The following KLHDC10 variants were observed in gnomAD, a reference collection of about 807,000 sequenced individuals.
The protein encoded by KLHDC10 is kelch domain-containing protein 10.
In KLHDC10, 24 loss-of-function variants were observed where a neutral mutation model predicts 56.1. That is an observed-to-expected ratio of 0.43 (90% CI 0.31 to 0.60). The LOEUF is 0.60. Ranked by LOEUF, KLHDC10 falls within the 20% of genes least tolerant of loss-of-function variation. KLHDC10 has a pLI of 0.11. For synonymous variants in KLHDC10, 188 were observed against 207.1 expected (o/e 0.91, Z 0.79); for missense variants, 349 against 567.0 (o/e 0.62, Z 3.91).
intron 1 of KLHDC10, among the ~76,000 whole-genome samples, chr7:130,092,644 G>A (rs1795791220): frequency 1.3e-5 from 2 of 152,172 alleles, no homozygotes; most frequent in Non-Finnish European, 2.9e-5. Flanking sequence ...TGTTCTAGCT[G>A]GAGAGTGACA....
intron 1 of KLHDC10, among the ~76,000 whole-genome samples, chr7:130,086,619 T>C (rs940960520): frequency 2.0e-5 from 3 of 152,054 alleles, no homozygotes; most frequent in Non-Finnish European, 2.9e-5. Context: ...TGCATCTGTC[T>C]TTTTTTTAAC....
chr7:130,086,857 C>T (rs886891061), intron 1 of KLHDC10, among the ~76,000 whole-genome samples: 2 of 152,170 alleles, frequency 1.3e-5, no homozygotes, highest in Non-Finnish European at 2.9e-5. Flanking sequence ...TAAAGTTTTC[C>T]TCAAGTTGTA....
chr7:130,098,126 A>G (rs573074501), intron 2 of KLHDC10, among the ~76,000 whole-genome samples: 18 of 152,240 alleles, frequency 1.2e-4, no homozygotes, highest in Non-Finnish European at 1.8e-4. Context: ...CATGCATAAA[A>G]TCAACCATAA....
At chr7:130,075,141 T>C (rs1795479858) in intron 1 of KLHDC10, among the ~76,000 whole-genome samples, 1 of 152,192 alleles carries the variant, frequency 6.6e-6, no homozygotes, top group Non-Finnish European at 1.5e-5. Flanking sequence ...ATTGTGCTTT[T>C]TGTAGAATAA....
intron 1 of KLHDC10, among the ~76,000 whole-genome samples, chr7:130,075,454 C>G (rs1239561692): frequency 1.3e-5 from 2 of 152,042 alleles, no homozygotes; most frequent in African/African-American, 4.8e-5. Flanking sequence ...TCCTTTGACC[C>G]CAGCTAATTG....
intron 2 of KLHDC10, among the ~76,000 whole-genome samples, chr7:130,098,813 A>G (rs1375134041): frequency 2.6e-5 from 4 of 152,330 alleles, no homozygotes; most frequent in Non-Finnish European, 4.4e-5. Flanking sequence ...TTGTATCTGT[A>G]TGATGGGGAT....
In KLHDC10 at chr7:130,132,574, G is replaced by A. The variant is rs1284982659; in HGVS notation, c.*1828G>A. On this transcript the variant is annotated 3_prime_UTR_variant, in exon 10 of 10. Transcript: ENST00000335420. ...CCTTTCTGGGGAGTGAGGAATGTGG[G>A]AGAGAGGCAGAAAAAGGAGCAGCTC... 6.6e-6 allele frequency: 1 copy of A among 152,196 alleles called. No individual in the cohort carries two copies. The highest frequency in any genetic ancestry group is 1.5e-5 in the Non-Finnish European group (1 of 68,080). 9.4% of individuals were successfully genotyped at this position (152,196 alleles called of 1,614,324 possible).
rs527885367 is a variant in KLHDC10, at chr7:130,100,280, TC to T, written c.253+3275del. 1.1e-3 allele frequency among the ~76,000 whole-genome samples: 160 copies of T among 152,282 alleles called. 1 individual carries two copies. Among genetic ancestry groups the T allele is most frequent in the South Asian group, 4.8e-3 (23 of 4,832 alleles). On this transcript the variant is annotated intron_variant, in intron 2 of 9. Transcript: ENST00000335420. ...GTCCAAGAGTATTTCCAGGGAAACT[TC>T]CTTGGCAGGCCTCTCCCCTCTTTGT... is the stretch of plus-strand genomic sequence containing the variant.
chr7:130,093,808 T>C (rs1305096867), intron 1 of KLHDC10, among the ~76,000 whole-genome samples: 1 of 152,194 alleles, frequency 6.6e-6, no homozygotes. Context: ...AACAGGAGTC[T>C]GTGCATACAG....
At chr7:130,126,002 A>G in intron 7 of KLHDC10, 71 bp downstream of exon 7, 1 of 1,173,622 alleles carries the variant, frequency 8.5e-7, no homozygotes, top group Non-Finnish European at 1.2e-6. Flanking sequence ...TTGGAAGGAA[A>G]AAGTAATTTT....
rs566603431 is a variant in KLHDC10, at chr7:130,130,701, T to A, written c.1284T>A (p.Leu428=). Residue 428 remains leucine, a synonymous_variant, in exon 10 of 10, where the codon CTT becomes CTA. Coordinates refer to ENST00000335420, the MANE Select transcript of KLHDC10 (RefSeq NM_014997.4). The surrounding 1 kb of genome is among the most constrained non-coding windows in gnomAD (Gnocchi z 4.2). The part of the protein sequence containing the change: ...PNLANLSRTQ[L]LHLGLTQGLI... The stretch of plus-strand genomic sequence containing the variant: ...TTGCAAACCTCTCCCGAACACAACT[T>A]CTGCACCTTGGACTCACACAGGGAC... 71 of 1,613,982 alleles carry A rather than the reference T, an allele frequency of 4.4e-5. No homozygotes were observed. Among genetic ancestry groups the A allele is most frequent in the Non-Finnish European group, 5.8e-5 (68 of 1,180,018 alleles).
At chr7:130,097,035 G>A in intron 2 of KLHDC10, 28 bp downstream of exon 2, 1 of 1,504,326 alleles carries the variant, frequency 6.6e-7, no homozygotes, top group Non-Finnish European at 9.2e-7. Flanking sequence ...AGAGATCTGT[G>A]CTTCGTATGG....
At chr7:130,110,175 A>C (rs1440318502) in intron 2 of KLHDC10, among the ~76,000 whole-genome samples, 1 of 152,188 alleles carries the variant, frequency 6.6e-6, no homozygotes, top group African/African-American at 2.4e-5. Context: ...CACTGAAATA[A>C]TATTGTGATC....
chr7:130,074,715 A>G (rs1353224788), intron 1 of KLHDC10, among the ~76,000 whole-genome samples: 1 of 151,292 alleles, frequency 6.6e-6, no homozygotes, highest in Non-Finnish European at 1.5e-5. Context: ...TCCCAGGTTC[A>G]AGCAGTTCTC....
chr7:130,122,591 C>T (rs1394861512), intron 5 of KLHDC10, among the ~76,000 whole-genome samples: 2 of 152,144 alleles, frequency 1.3e-5, no homozygotes, highest in Non-Finnish European at 2.9e-5. Context: ...ACTCTGTCAC[C>T]TAGGCTGGAG....
At chr7:130,106,484 C>A (rs1010746645) in intron 2 of KLHDC10, among the ~76,000 whole-genome samples, 3 of 152,018 alleles carry the variant, frequency 2.0e-5, no homozygotes, top group Non-Finnish European at 4.4e-5. Context: ...AGGGACAAAT[C>A]TAAATAAGAA....
intron 2 of KLHDC10, among the ~76,000 whole-genome samples, chr7:130,111,294 T>C (rs1223331848): frequency 6.6e-6 from 1 of 152,088 alleles, no homozygotes; most frequent in Non-Finnish European, 1.5e-5. Flanking sequence ...CAGAGGTGAA[T>C]GAAATATAGA....
chr7:130,074,684 A>G (rs1208324108), intron 1 of KLHDC10, among the ~76,000 whole-genome samples: 1 of 149,604 alleles, frequency 6.7e-6, no homozygotes, highest in African/African-American at 2.5e-5. Flanking sequence ...GCAGTGGCGC[A>G]ATGTCACTGC....
intron 2 of KLHDC10, among the ~76,000 whole-genome samples, chr7:130,097,818 T>C (rs1795869873): frequency 6.6e-6 from 1 of 152,180 alleles, no homozygotes; most frequent in African/African-American, 2.4e-5. Context: ...TTTTTACTTT[T>C]AGAAATGTTG....
Sources: gnomAD v4.1 joint callset for allele counts (sites outside exome capture counted in the v4.1 genomes callset) on GRCh38, gnomAD v4.1.1 for gene constraint, Gnocchi (gnomAD v3.1) non-coding constraint, MANE v1.5 for transcripts, NCBI Gene and HGNC (gene_info 2026-07-23, HGNC 2026-07-21) for gene names.